Variants in CNTNAP5 observed in about 807,000 individuals in gnomAD.
CNTNAP5 encodes contactin associated protein family member 5.
In CNTNAP5, 72 loss-of-function variants were observed where a neutral mutation model predicts 150.2. That is an observed-to-expected ratio of 0.48 (90% confidence interval 0.40 to 0.58). The LOEUF (loss-of-function observed/expected upper bound fraction) is 0.58, where lower values mean the gene tolerates loss of function less well. CNTNAP5 is among the 20% of genes least tolerant of loss of function. The pLI, the probability that CNTNAP5 is intolerant of heterozygous loss-of-function variation, is 0.00. For synonymous variants in CNTNAP5, 672 were observed against 619.8 expected, an observed-to-expected ratio of 1.08 and a Z score of -1.25; for missense variants, 1,636 against 1,626.2, an observed-to-expected ratio of 1.01 and a Z score of -0.10.
At chr2:124,703,458 T>A (rs1679568749) in intron 13 of CNTNAP5, among the ~76,000 whole-genome samples, 1 of 152,122 alleles carries the variant, frequency 6.6e-6, no homozygotes, top group Non-Finnish European at 1.5e-5. Context: ...TAGTGATACT[T>A]TAACAATGAA....
intron 1 of CNTNAP5, among the ~76,000 whole-genome samples, chr2:124,167,962 CA>C (rs1419230675): frequency 6.6e-6 from 1 of 152,124 alleles, no homozygotes; most frequent in African/African-American, 2.4e-5. Flanking sequence ...AGGAAGGAGG[CA>C]CGTTTTTATT....
chr2:124,278,442 A>G (rs531734213), intron 3 of CNTNAP5, among the ~76,000 whole-genome samples: 1 of 152,274 alleles, frequency 6.6e-6, no homozygotes, highest in Admixed American at 6.5e-5. Context: ...TATGGAAATG[A>G]CCAAATCTTA....
chr2:124,372,474 C>G (rs567642468), intron 3 of CNTNAP5, among the ~76,000 whole-genome samples: 1 of 152,034 alleles, frequency 6.6e-6, no homozygotes, highest in Non-Finnish European at 1.5e-5. Flanking sequence ...CTGACTAATA[C>G]GGAAGGATTT....
chr2:124,059,286 G>T (rs1681938765), intron 1 of CNTNAP5, among the ~76,000 whole-genome samples: 2 of 152,254 alleles, frequency 1.3e-5, no homozygotes, highest in Admixed American at 1.3e-4. Context: ...ACTATAAAAT[G>T]AATTCACCAT....
chr2:124,037,926 A>C (rs925412465), intron 1 of CNTNAP5, among the ~76,000 whole-genome samples: 1 of 152,182 alleles, frequency 6.6e-6, no homozygotes, highest in African/African-American at 2.4e-5. Context: ...ATAAACAATA[A>C]AATTTTGTAC....
At chr2:124,804,497 G>A (rs1029066510) in intron 19 of CNTNAP5, among the ~76,000 whole-genome samples, 21 of 152,300 alleles carry the variant, frequency 1.4e-4, no homozygotes, top group African/African-American at 4.8e-4. Context: ...GACCCTCAGT[G>A]TAGCTGTATT....
intron 1 of CNTNAP5, among the ~76,000 whole-genome samples, chr2:124,210,072 T>A (rs986557030): frequency 3.9e-5 from 6 of 152,182 alleles, no homozygotes; most frequent in African/African-American, 1.2e-4. Context: ...AAAATTTTAT[T>A]CTGAAGGCAT....
chr2:124,497,569 T>C (rs557822645), intron 7 of CNTNAP5, among the ~76,000 whole-genome samples: 1 of 152,228 alleles, frequency 6.6e-6, no homozygotes, highest in African/African-American at 2.4e-5. Context: ...GGATTATGTT[T>C]AATCATAAAG....
chr2:124,228,109 G>A (rs1283718468), intron 2 of CNTNAP5, among the ~76,000 whole-genome samples: 1 of 152,050 alleles, frequency 6.6e-6, no homozygotes, highest in African/African-American at 2.4e-5. Flanking sequence ...AACCAGTGGT[G>A]TGACCCTCCA....
At chr2:124,026,507 T>C (rs1006767506) in intron 1 of CNTNAP5, among the ~76,000 whole-genome samples, 8 of 152,230 alleles carry the variant, frequency 5.3e-5, no homozygotes, top group African/African-American at 1.9e-4. Flanking sequence ...CTGCACTATA[T>C]ATTTAAAGAA....
At chr2:124,476,479 T>A (rs1173008076) in intron 7 of CNTNAP5, among the ~76,000 whole-genome samples, 1 of 152,066 alleles carries the variant, frequency 6.6e-6, no homozygotes, top group African/African-American at 2.4e-5. Flanking sequence ...TTCATATCAC[T>A]GGAATGTGAT....
At chr2:124,192,739 C>T (rs887728421) in intron 1 of CNTNAP5, among the ~76,000 whole-genome samples, 1 of 152,190 alleles carries the variant, frequency 6.6e-6, no homozygotes. Context: ...GTCATGGCCA[C>T]GAGGAGTCCT....
At chr2:124,187,400 G>A (rs548399831) in intron 1 of CNTNAP5, among the ~76,000 whole-genome samples, 1 of 152,282 alleles carries the variant, frequency 6.6e-6, no homozygotes, top group East Asian at 1.9e-4. Context: ...GTTAGATCCA[G>A]AAGCATAAAT....
chr2:124,713,505 G>A (rs1261446267), intron 13 of CNTNAP5, among the ~76,000 whole-genome samples: 2 of 151,204 alleles, frequency 1.3e-5, no homozygotes, highest in African/African-American at 4.9e-5. Context: ...AGCCTCCCTA[G>A]TAGTTGGGAT....
chr2:124,378,130 T>G (rs1403547949), intron 3 of CNTNAP5, among the ~76,000 whole-genome samples: 1 of 152,082 alleles, frequency 6.6e-6, no homozygotes, highest in Non-Finnish European at 1.5e-5. Flanking sequence ...ATTATCTGAG[T>G]GGATTGCACT....
chr2:124,504,280 A>T lies in CNTNAP5; in HGVS notation c.1063-12A>T, dbSNP rs1694346181. 1 of 1,607,550 alleles carries T rather than the reference A, an allele frequency of 6.2e-7. No homozygotes were observed. The highest frequency in any genetic ancestry group is 1.7e-4 in the Middle Eastern group (1 of 6,044). On this transcript the variant is annotated splice_polypyrimidine_tract_variant and intron_variant, in intron 7 of 23. Transcript: ENST00000682447. The stretch of plus-strand genomic sequence containing the variant: ...AATGGCTTTTATATGTTTGACTTTT[A>T]TTGTTTTCCAGGGCAATGTCACTTT...
Position 124,890,166 on chromosome 2 carries a change from GC to G in CNTNAP5, c.3437-12712del, listed in dbSNP as rs565750764. On this transcript the variant is annotated intron_variant, in intron 21 of 23. Transcript: ENST00000682447. ...TACATGCTATTGGTGCTCTATCATA[GC>G]CCCTGACTTTACCACTTCAATACCA... Among the ~76,000 whole-genome samples the G allele has an allele frequency of 1.8e-3, 281 of 152,056 alleles. 2 individuals are homozygous for G. Among genetic ancestry groups the G allele is most frequent in the African/African-American group, 6.5e-3 (269 of 41,480 alleles).
intron 14 of CNTNAP5, among the ~76,000 whole-genome samples, chr2:124,762,260 C>G (rs1466983062): frequency 6.6e-6 from 1 of 152,006 alleles, no homozygotes; most frequent in African/African-American, 2.4e-5. Flanking sequence ...TTTACATTTT[C>G]CTTTTGATCT....
intron 6 of CNTNAP5, among the ~76,000 whole-genome samples, chr2:124,473,065 A>G (rs531923278): frequency 6.6e-6 from 1 of 152,208 alleles, no homozygotes; most frequent in East Asian, 1.9e-4. Flanking sequence ...AGCAGCAATA[A>G]GATGAGCACA....
Sources: gnomAD v4.1 joint callset for allele counts (sites outside exome capture counted in the v4.1 genomes callset) on GRCh38, gnomAD v4.1.1 for gene constraint, MANE v1.5 for transcripts, NCBI Gene and HGNC (gene_info 2026-07-23, HGNC 2026-07-21) for gene names.